Variants in BTBD7 observed in about 807,000 individuals in gnomAD.
BTBD7 encodes the protein BTB/POZ domain-containing protein 7.
In BTBD7, 38 loss-of-function variants were observed where a neutral mutation model predicts 99.9. The observed-to-expected ratio is 0.38, with a 90% CI of 0.29 to 0.50. The LOEUF (loss-of-function observed/expected upper bound fraction) is 0.50, where lower values mean the gene tolerates loss of function less well. Among genes scored for constraint, BTBD7 ranks in the 20% least tolerant of loss-of-function variants. The pLI, the probability that BTBD7 is intolerant of heterozygous loss-of-function variation, is 0.93. For synonymous variants in BTBD7, 520 were observed against 511.4 expected (o/e 1.02, Z -0.23); for missense variants, 1,170 against 1,394.6 (o/e 0.84, Z 2.57).
At chr14:93,309,111 T>C (rs2139800340) in intron 1 of BTBD7, among the ~76,000 whole-genome samples, 1 of 152,288 alleles carries the variant, frequency 6.6e-6, no homozygotes, top group Non-Finnish European at 1.5e-5. Flanking sequence ...CAACTTCATG[T>C]TCCTTTTAAT....
rs532571453 is a variant in BTBD7, at chr14:93,265,684, G to A, written c.1163-1691C>T. ...CGCCTGTAATCCCAGCACTTTGGGA[G>A]GCTGAGGCAGGTGGATCACCTGAGG... is the stretch of plus-strand genomic sequence containing the variant. On this transcript the variant is annotated intron_variant, in intron 3 of 10. Coordinates refer to ENST00000334746, the MANE Select transcript of BTBD7 (RefSeq NM_001002860.4). Among the ~76,000 whole-genome samples the A allele has an allele frequency of 3.9e-5, 6 of 152,386 alleles. No homozygotes were observed. The South Asian group carries it at 1.0e-3, about 26-fold the overall frequency.
At chr14:93,286,388 T>C (rs1293087983) in intron 3 of BTBD7, among the ~76,000 whole-genome samples, 1 of 152,216 alleles carries the variant, frequency 6.6e-6, no homozygotes, top group Admixed American at 6.5e-5. Context: ...CCCTGTTCTC[T>C]GGCTAAGTGC....
chr14:93,319,003 G>A (rs1270637774), intron 1 of BTBD7, among the ~76,000 whole-genome samples: 2 of 152,178 alleles, frequency 1.3e-5, no homozygotes, highest in Non-Finnish European at 2.9e-5. Flanking sequence ...GATTGCTTCA[G>A]CCCAGGAGTT....
At chr14:93,316,993 A>G (rs1045758478) in intron 1 of BTBD7, among the ~76,000 whole-genome samples, 1 of 152,186 alleles carries the variant, frequency 6.6e-6, no homozygotes, top group African/African-American at 2.4e-5. Flanking sequence ...TAGTTAAGAA[A>G]TCTGTTTAAC....
chr14:93,279,841 T>C (rs1473640960), intron 3 of BTBD7, among the ~76,000 whole-genome samples: 1 of 152,250 alleles, frequency 6.6e-6, no homozygotes, highest in African/African-American at 2.4e-5. Flanking sequence ...TAAATGAGTA[T>C]AGGAATCATG....
intron 3 of BTBD7, among the ~76,000 whole-genome samples, chr14:93,280,333 G>A (rs2052704334): frequency 6.6e-6 from 1 of 152,184 alleles, no homozygotes; most frequent in African/African-American, 2.4e-5. Context: ...GTTCTTTAAT[G>A]TAAACAATGT....
chr14:93,287,984 G>A (rs2052800733), intron 3 of BTBD7: 1 of 153,032 alleles, frequency 6.5e-6, no homozygotes, highest in South Asian at 2.1e-4. Context: ...GCTAAATATA[G>A]GATTTTGTGT....
At chr14:93,295,726 T>A (rs1250065376) in intron 2 of BTBD7, among the ~76,000 whole-genome samples, 1 of 152,224 alleles carries the variant, frequency 6.6e-6, no homozygotes, top group Non-Finnish European at 1.5e-5. Flanking sequence ...AGACTGCTAG[T>A]TTGCCTAAGG....
At chr14:93,299,039 A>G (rs919704337) in intron 1 of BTBD7, among the ~76,000 whole-genome samples, 1 of 152,134 alleles carries the variant, frequency 6.6e-6, no homozygotes, top group Non-Finnish European at 1.5e-5. Flanking sequence ...GGATGAACTG[A>G]TTTGGGGACA....
At chr14:93,297,436 C>T (rs1045587196) in intron 1 of BTBD7, among the ~76,000 whole-genome samples, 2 of 152,194 alleles carry the variant, frequency 1.3e-5, no homozygotes. Flanking sequence ...AATTCTCCTG[C>T]CTCAGCCTCC....
At position 93,242,096 on chromosome 14, in the gene BTBD7, AAAC is replaced by A; in HGVS notation, c.*174_*176del. The A allele has an allele frequency of 3.4e-6, 2 of 592,726 alleles. No homozygotes were observed. The highest frequency in any genetic ancestry group is 2.9e-6 in the Non-Finnish European group (1 of 350,738). The allele number at this position is 592,726 out of a possible 1,614,324, so 36.7% of individuals were successfully genotyped here. A position where few individuals can be genotyped will look rare whatever the true frequency, so the allele number is the denominator to read the frequency against. ...AGACAGATGCAACATTAAAAAAAAA[AAAC>A]AAAACCTTCTTAGCATGCCATGTCT... On this transcript the variant is annotated 3_prime_UTR_variant, in exon 11 of 11. Coordinates refer to ENST00000334746, the MANE Select transcript of BTBD7 (RefSeq NM_001002860.4).
rs866984644 is a variant in BTBD7 at position 93,307,927 on chromosome 14, C to T, written c.-106-11770G>A. ...GAAAGGCTTATCTGTAATCATTCTT[C>T]AAGATTTTGAGTCCAAAAACTATTT... On this transcript the variant is annotated intron_variant, in intron 1 of 10. Transcript: ENST00000334746. 2.6e-5 allele frequency among the ~76,000 whole-genome samples: 4 copies of T among 152,304 alleles called. No homozygotes were observed. The Middle Eastern group carries it at 0.01, about 389-fold the overall frequency.
chr14:93,303,843 C>T (rs899298617), intron 1 of BTBD7, among the ~76,000 whole-genome samples: 1 of 152,204 alleles, frequency 6.6e-6, no homozygotes, highest in South Asian at 2.1e-4. Context: ...CCCCACCCCC[C>T]ACCAGAGGAA....
chr14:93,320,897 T>C (rs2053262051), intron 1 of BTBD7, among the ~76,000 whole-genome samples: 1 of 152,210 alleles, frequency 6.6e-6, no homozygotes, highest in African/African-American at 2.4e-5. Flanking sequence ...TTTTATACAA[T>C]TTCCTACATA....
At chr14:93,309,319 G>A (rs542454703) in intron 1 of BTBD7, among the ~76,000 whole-genome samples, 1 of 151,930 alleles carries the variant, frequency 6.6e-6, no homozygotes, top group South Asian at 2.1e-4. Context: ...AAATGGGCCA[G>A]GTGCAGTAGC....
intron 3 of BTBD7, among the ~76,000 whole-genome samples, chr14:93,274,283 C>T (rs887879742): frequency 1.3e-5 from 2 of 152,176 alleles, no homozygotes; most frequent in African/African-American, 4.8e-5. Flanking sequence ...GCAACTCTTG[C>T]GCCCACTGCA....
chr14:93,250,794 AC>A (rs1033083701), intron 8 of BTBD7, among the ~76,000 whole-genome samples: 6 of 152,208 alleles, frequency 3.9e-5, no homozygotes, highest in Admixed American at 3.9e-4. Flanking sequence ...TAAGACATAA[AC>A]CTGTGCTACA....
At chr14:93,332,078 G>GGA (rs2053435263) in intron 1 of BTBD7, among the ~76,000 whole-genome samples, 1 of 152,184 alleles carries the variant, frequency 6.6e-6, no homozygotes, top group Non-Finnish European at 1.5e-5. Context: ...GTAGTTCACA[G>GGA]GAGAAACAAC....
At position 93,237,752 on chromosome 14, in the gene BTBD7, T is replaced by A. The variant is rs1390214787; in HGVS notation, c.*4521A>T. The A allele has an allele frequency of 2.0e-4, 30 of 152,650 alleles. 1 individual carries two copies. Among genetic ancestry groups the A allele is most frequent in the Admixed American group, 2.0e-3 (30 of 15,284 alleles). 9.5% of individuals were successfully genotyped at this position (152,650 alleles called of 1,614,324 possible). A position where few individuals can be genotyped will look rare whatever the true frequency, so the allele number is the denominator to read the frequency against. On this transcript the variant is annotated 3_prime_UTR_variant, in exon 11 of 11. Coordinates refer to ENST00000334746, the MANE Select transcript of BTBD7 (RefSeq NM_001002860.4). The stretch of plus-strand genomic sequence containing the variant: ...GGTACCTAAATAAAAATACTATATA[T>A]TTCTTTAAAAATCACTATGTACAAT...
Sources: allele counts gnomAD v4.1 joint callset (sites outside exome capture counted in the v4.1 genomes callset), GRCh38; gene constraint gnomAD v4.1.1; transcripts MANE v1.5; gene names NCBI Gene and HGNC (gene_info 2026-07-23, HGNC 2026-07-21).